The following IL7 variants were observed in gnomAD, a reference collection of about 807,000 sequenced individuals.
IL7 encodes the protein interleukin 7, also known as interleukin-7.
Under a neutral mutation model 21.6 loss-of-function variants are expected in IL7, and 3 were observed. That is an observed-to-expected ratio of 0.14 (90% CI 0.06 to 0.36). The LOEUF (loss-of-function observed/expected upper bound fraction) is 0.36, where lower values mean the gene tolerates loss of function less well. Ranked by LOEUF, IL7 falls within the 10% of genes least tolerant of loss-of-function variation. The probability of loss-of-function intolerance (pLI) is 1.00; values close to 1 mark genes in which losing one functional copy is unlikely to be tolerated. For missense variants in IL7, 175 were observed against 200.2 expected (o/e 0.87, Z 0.76); for synonymous variants, 62 against 68.1 (o/e 0.91, Z 0.44).
At chr8:78,690,925 A>G (rs1228829675) in intron 3 of IL7, among the ~76,000 whole-genome samples, 1 of 152,112 alleles carries the variant, frequency 6.6e-6, no homozygotes, top group African/African-American at 2.4e-5. Flanking sequence ...TTTGTATATT[A>G]ATCTTATACC....
Position 78,798,129 on chromosome 8 carries a change from T to G in IL7, c.90A>C (p.Glu30Asp). 1 of 1,610,982 alleles carries G rather than the reference T, an allele frequency of 6.2e-7. No individual in the cohort carries two copies. The highest frequency in any genetic ancestry group is 8.5e-7 in the Non-Finnish European group (1 of 1,177,500). ...TCTCATATTGTTTGCCATCTTTACC[T>G]TCAATATCACAATCAGATGATGCTA... ...LPVASSDCDI[E>D]GKDGKQYESV... is the part of the protein sequence containing the mutation. The change falls in exon 2 of 6, where the codon GAA becomes GAC. Residue 30 changes from glutamate (E) to aspartate (D), a missense_variant. Transcript: ENST00000263851.
At chr8:78,772,389 T>TA (rs900636115) in intron 2 of IL7, among the ~76,000 whole-genome samples, 4 of 152,114 alleles carry the variant, frequency 2.6e-5, no homozygotes, top group South Asian at 2.1e-4. Context: ...ATGTCTACTT[T>TA]AAAAAAAATA....
chr8:78,703,865 A>C (rs951353901), intron 3 of IL7, among the ~76,000 whole-genome samples: 1 of 152,134 alleles, frequency 6.6e-6, no homozygotes, highest in Non-Finnish European at 1.5e-5. Flanking sequence ...TGTAACTAAC[A>C]GTTTTACAGT....
At chr8:78,784,010 T>C (rs1359291985) in intron 2 of IL7, among the ~76,000 whole-genome samples, 4 of 152,202 alleles carry the variant, frequency 2.6e-5, no homozygotes, top group Non-Finnish European at 2.9e-5. Context: ...AAGTCACTGA[T>C]AGAGCCAATA....
chr8:78,786,032 CA>C (rs956410509), intron 2 of IL7, among the ~76,000 whole-genome samples: 1 of 151,916 alleles, frequency 6.6e-6, no homozygotes, highest in Non-Finnish European at 1.5e-5. Context: ...TTTAGGTCCA[CA>C]AAAAAATGAG....
chr8:78,677,387 A>G (rs1809614443), intron 4 of IL7, among the ~76,000 whole-genome samples: 1 of 152,104 alleles, frequency 6.6e-6, no homozygotes, highest in Non-Finnish European at 1.5e-5. Context: ...GTAGAACACT[A>G]GATAAGCTCA....
intron 3 of IL7, among the ~76,000 whole-genome samples, chr8:78,709,839 T>G (rs1265123178): frequency 6.6e-6 from 1 of 152,182 alleles, no homozygotes; most frequent in East Asian, 1.9e-4. Flanking sequence ...CAAGATTGCC[T>G]TATAGCATCA....
intron 4 of IL7, among the ~76,000 whole-genome samples, chr8:78,679,648 C>G (rs746039043): frequency 9.9e-5 from 15 of 152,128 alleles, no homozygotes; most frequent in Non-Finnish European, 1.8e-4. Context: ...TGAAAAGCAT[C>G]ATTTCAGTGA....
intron 2 of IL7, among the ~76,000 whole-genome samples, chr8:78,769,741 A>G (rs952828288): frequency 5.3e-5 from 8 of 152,230 alleles, no homozygotes; most frequent in African/African-American, 1.9e-4. Context: ...AACCTAAGCC[A>G]AAAGAACAAA....
chr8:78,725,385 A>G (rs1049003100), intron 3 of IL7, among the ~76,000 whole-genome samples: 1 of 150,332 alleles, frequency 6.7e-6, no homozygotes, highest in African/African-American at 2.4e-5. Flanking sequence ...GGAGCTGTTC[A>G]GCCAGAAAGA....
chr8:78,717,332 G>C (rs776890062), downstream of IL7: 5 of 1,605,426 alleles, frequency 3.1e-6, no homozygotes, highest in African/African-American at 1.3e-5. Context: ...TTTTAGGCCA[G>C]ATGGGGACTG....
chr8:78,698,948 G>A (rs901940461), intron 3 of IL7, among the ~76,000 whole-genome samples: 8 of 152,034 alleles, frequency 5.3e-5, no homozygotes, highest in South Asian at 2.1e-4. Flanking sequence ...AAAGTTAGAC[G>A]CAATATATAA....
At chr8:78,749,864 T>C (rs567845672) in intron 2 of IL7, among the ~76,000 whole-genome samples, 342 of 152,110 alleles carry the variant, frequency 2.2e-3, no homozygotes, top group African/African-American at 7.8e-3. Context: ...TGAGATCCTA[T>C]CTTTACAAAC....
chr8:78,715,955 G>A (rs545325075), downstream of IL7, among the ~76,000 whole-genome samples: 1 of 149,262 alleles, frequency 6.7e-6, no homozygotes, highest in East Asian at 2.0e-4. Context: ...CAGGAGAATT[G>A]CTTGAACCTG....
intron 2 of IL7, chr8:78,760,101 T>A: frequency 6.7e-7 from 1 of 1,483,516 alleles, no homozygotes. Flanking sequence ...GGCTTTTACT[T>A]CCAAATATCA....
chr8:78,785,903 G>A (rs1016546941), intron 2 of IL7, among the ~76,000 whole-genome samples: 3 of 152,196 alleles, frequency 2.0e-5, no homozygotes, highest in East Asian at 1.9e-4. Flanking sequence ...AGCTATATGC[G>A]AAGGGGTATG....
chr8:78,799,549 A>T (rs1251010821), intron 1 of IL7, among the ~76,000 whole-genome samples: 1 of 152,156 alleles, frequency 6.6e-6, no homozygotes, highest in East Asian at 1.9e-4. Context: ...TATATGCATG[A>T]TGAGCATGAA....
At chr8:78,707,856 T>C (rs201296898) in intron 3 of IL7, among the ~76,000 whole-genome samples, 18 of 12,380 alleles carry the variant, frequency 1.5e-3, no homozygotes, top group East Asian at 0.021. Context: ...TTTTTTTTTC[T>C]TTTTTTTTTT....
At chr8:78,777,260 G>A (rs539709593) in intron 2 of IL7, among the ~76,000 whole-genome samples, 88 of 152,030 alleles carry the variant, frequency 5.8e-4, no homozygotes, top group Middle Eastern at 3.4e-3. Context: ...TTCAGGCCTG[G>A]GAGTATTAGA....
Sources: allele counts gnomAD v4.1 joint callset (sites outside exome capture counted in the v4.1 genomes callset), GRCh38; gene constraint gnomAD v4.1.1; transcripts MANE v1.5; gene names NCBI Gene and HGNC (gene_info 2026-07-23, HGNC 2026-07-21).